Variants in ACSM3 observed in about 807,000 individuals in gnomAD.
ACSM3 encodes acyl-coenzyme A synthetase ACSM3, mitochondrial.
ACSM3 carries 61 observed loss-of-function variants against 74.1 expected under a neutral mutation model. The ratio of observed to expected loss-of-function variants is 0.82; its 90% CI spans 0.67 to 1.02. The LOEUF is 1.02. Among genes scored for constraint, ACSM3 ranks in the 50% least tolerant of loss-of-function variants. ACSM3 has a pLI of 0.00. For missense variants in ACSM3, 660 were observed against 697.0 expected, an observed-to-expected ratio of 0.95 and a Z score of 0.60; for synonymous variants, 213 against 241.5, an observed-to-expected ratio of 0.88 and a Z score of 1.09.
At chr16:20,717,910 AAG>A (rs202138372) in intron 1 of ACSM3, among the ~76,000 whole-genome samples, 9,233 of 149,254 alleles carry the variant, frequency 0.062, 621 homozygotes, top group East Asian at 0.19. Context: ...GGAGGAAAAA[AAG>A]AAGAAGAAGG....
At chr16:20,677,531 A>G (rs76392621) in intron 1 of ACSM3, among the ~76,000 whole-genome samples, 1 of 152,236 alleles carries the variant, frequency 6.6e-6, no homozygotes, top group Non-Finnish European at 1.5e-5. Context: ...TCAAGTCAGT[A>G]CCAGGAGACC....
At chr16:20,715,388 G>T (rs1308038346) in intron 1 of ACSM3, among the ~76,000 whole-genome samples, 1 of 152,156 alleles carries the variant, frequency 6.6e-6, no homozygotes, top group Non-Finnish European at 1.5e-5. Flanking sequence ...TGGATCACCT[G>T]AGGTCAGGAG....
At chr16:20,676,833 T>C (rs912702677) in intron 1 of ACSM3, among the ~76,000 whole-genome samples, 1 of 151,166 alleles carries the variant, frequency 6.6e-6, no homozygotes. Flanking sequence ...AAAAAATAAA[T>C]AAATAAAATA....
At chr16:20,785,835 T>C (rs1227452681) in intron 8 of ACSM3, among the ~76,000 whole-genome samples, 1 of 152,152 alleles carries the variant, frequency 6.6e-6, no homozygotes, top group African/African-American at 2.4e-5. Flanking sequence ...CTAATATAAA[T>C]GCAAATGTTA....
intron 1 of ACSM3, among the ~76,000 whole-genome samples, chr16:20,732,384 C>A (rs937063001): frequency 3.3e-4 from 50 of 152,092 alleles, no homozygotes; most frequent in African/African-American, 1.2e-3. Context: ...AATTAATGAA[C>A]TTTTGACTTT....
chr16:20,690,144 G>C (rs1274757039), intron 1 of ACSM3, among the ~76,000 whole-genome samples: 1 of 152,178 alleles, frequency 6.6e-6, no homozygotes, highest in Non-Finnish European at 1.5e-5. Flanking sequence ...AGGCATGTAG[G>C]CTTTGGATAG....
chr16:20,699,409 G>A (rs1471550319), intron 1 of ACSM3, among the ~76,000 whole-genome samples: 1 of 152,170 alleles, frequency 6.6e-6, no homozygotes, highest in African/African-American at 2.4e-5. Flanking sequence ...GAGACACCCA[G>A]GACATTCCTG....
At chr16:20,745,177 T>C (rs1387446512) in intron 1 of ACSM3, among the ~76,000 whole-genome samples, 2 of 152,226 alleles carry the variant, frequency 1.3e-5, no homozygotes, top group Non-Finnish European at 2.9e-5. Flanking sequence ...CTACATCTAT[T>C]ATTTCATGGC....
At chr16:20,786,247 T>C (rs1456025484) in intron 9 of ACSM3, 89 bp downstream of exon 9, 4 of 1,502,158 alleles carry the variant, frequency 2.7e-6, no homozygotes, top group Non-Finnish European at 3.6e-6. Context: ...CTTTCTTTGT[T>C]ATGATGGTGA....
At chr16:20,733,392 G>A (rs1184589251) in intron 1 of ACSM3, among the ~76,000 whole-genome samples, 1 of 151,984 alleles carries the variant, frequency 6.6e-6, no homozygotes, top group Non-Finnish European at 1.5e-5. Context: ...CTGTTAAAAT[G>A]AGTATAAATA....
intron 1 of ACSM3, chr16:20,731,693 A>G: frequency 2.5e-6 from 1 of 407,600 alleles, no homozygotes; most frequent in South Asian, 4.6e-5. Flanking sequence ...CTTGAGCTTC[A>G]GGATCATGTG....
intron 1 of ACSM3, chr16:20,682,155 A>G: frequency 8.5e-7 from 1 of 1,174,070 alleles, no homozygotes; most frequent in Non-Finnish European, 1.2e-6. Context: ...GTGCACCTAA[A>G]TAATAAATAC....
At chr16:20,773,518 G>A (rs931091514) in intron 2 of ACSM3, among the ~76,000 whole-genome samples, 10 of 152,002 alleles carry the variant, frequency 6.6e-5, no homozygotes, top group Non-Finnish European at 1.3e-4. Flanking sequence ...TCTTAACACT[G>A]TGTTTGCTTT....
chr16:20,759,351 A>T (rs2080057446), upstream of ACSM3, among the ~76,000 whole-genome samples: 1 of 152,064 alleles, frequency 6.6e-6, no homozygotes, highest in African/African-American at 2.4e-5. Context: ...AGGTCAGGAG[A>T]TCGAGACCAT....
intron 1 of ACSM3, among the ~76,000 whole-genome samples, chr16:20,745,896 C>CCTTA (rs2079955870): frequency 6.6e-6 from 1 of 152,204 alleles, no homozygotes; most frequent in Non-Finnish European, 1.5e-5. Flanking sequence ...ACACTTCCTG[C>CCTTA]CTTAGTCTCT....
chr16:20,789,701 T>TG, intron 9 of ACSM3: 1 of 606,436 alleles, frequency 1.6e-6, no homozygotes. Flanking sequence ...TTTTTTTTTT[T>TG]TTGAGATGGA....
rs139062794 is a variant in ACSM3 at position 20,682,445 on chromosome 16, G to A, written c.-190+7623G>A. 3.0e-5 allele frequency: 48 copies of A among 1,613,278 alleles called. No homozygotes were observed. In the East Asian group the frequency reaches 4.7e-4, roughly 16 times the overall value. ...GTCTTTGGCCTTCAACAGGATGGTC[G>A]CAGGAATGAAGATGATCCCTGGGGA... On this transcript the variant is annotated intron_variant, in intron 1 of 3. Transcript: ENST00000561584.
At chr16:20,742,813 A>ATATATATATATTTTTTTTT (rs61582869) in intron 1 of ACSM3, among the ~76,000 whole-genome samples, 3 of 66,814 alleles carry the variant, frequency 4.5e-5, no homozygotes, top group Admixed American at 1.3e-4. Flanking sequence ...ATATATATAT[A>ATATATATATATTTTTTTTT]TTTTTTTTTT....
intron 1 of ACSM3, chr16:20,728,376 C>T: frequency 7.4e-7 from 1 of 1,356,244 alleles, no homozygotes; most frequent in Non-Finnish European, 1.0e-6. Context: ...TCAATTGTTT[C>T]TTTCATTCTA....
Sources: gnomAD v4.1 joint callset for allele counts (sites outside exome capture counted in the v4.1 genomes callset) on GRCh38, gnomAD v4.1.1 for gene constraint, MANE v1.5 for transcripts, NCBI Gene and HGNC (gene_info 2026-07-23, HGNC 2026-07-21) for gene names.